Variants in CFAP70 observed in about 807,000 individuals in gnomAD.
CFAP70 encodes cilia- and flagella-associated protein 70.
In CFAP70, 81 loss-of-function variants were observed where a neutral mutation model predicts 137.6. The observed-to-expected ratio is 0.59, with a 90% CI of 0.49 to 0.71. The LOEUF (loss-of-function observed/expected upper bound fraction) is 0.71. CFAP70 is among the 30% of genes least tolerant of loss of function. The pLI is 0.00. For missense variants in CFAP70, 976 were observed against 1,226.7 expected (o/e 0.80, Z 3.05); for synonymous variants, 382 against 423.6 (o/e 0.90, Z 1.20).
chr10:73,349,635 T>C (rs969904851), intron 3 of CFAP70, among the ~76,000 whole-genome samples: 1 of 152,088 alleles, frequency 6.6e-6, no homozygotes. Flanking sequence ...CATTTTGGAG[T>C]AATCCTGTAG....
At chr10:73,291,692 A>G (rs1184551555) in exon 18 of CFAP70, 1 of 1,613,998 alleles carries the variant, frequency 6.2e-7, no homozygotes, top group Admixed American at 1.7e-5. Context: ...TAGCATCCTC[A>G]AAGAAAATTT....
chr10:73,277,665 AT>A (rs1358989593), intron 20 of CFAP70, among the ~76,000 whole-genome samples: 1 of 151,746 alleles, frequency 6.6e-6, no homozygotes, highest in Non-Finnish European at 1.5e-5. Context: ...GTGAGCCGAG[AT>A]TGCGCCACTG....
At chr10:73,322,332 A>AAT (rs1376486658) in intron 9 of CFAP70, among the ~76,000 whole-genome samples, 2 of 152,064 alleles carry the variant, frequency 1.3e-5, no homozygotes, top group African/African-American at 4.8e-5. Flanking sequence ...GCTTTTTATC[A>AAT]ATATAGATAA....
At chr10:73,284,273 C>T (rs551834467) in intron 19 of CFAP70, among the ~76,000 whole-genome samples, 2 of 152,014 alleles carry the variant, frequency 1.3e-5, no homozygotes, top group Non-Finnish European at 2.9e-5. Flanking sequence ...CCTCTGATTC[C>T]GTTATCACAT....
intron 25 of CFAP70, among the ~76,000 whole-genome samples, chr10:73,265,998 A>G (rs994217610): frequency 1.3e-5 from 2 of 152,248 alleles, no homozygotes; most frequent in African/African-American, 4.8e-5. Flanking sequence ...ACTTAGGGAA[A>G]ACTTTCATCT....
intron 8 of CFAP70, among the ~76,000 whole-genome samples, chr10:73,327,965 C>T (rs2051646864): frequency 6.6e-6 from 1 of 152,162 alleles, no homozygotes. Flanking sequence ...CAATGACTTT[C>T]TTCACAGAAT....
chr10:73,291,118 G>A (rs923595992), intron 19 of CFAP70, 108 bp downstream of exon 20: 1 of 919,604 alleles, frequency 1.1e-6, no homozygotes, highest in Non-Finnish European at 1.7e-6. Flanking sequence ...GGGCTCAAGT[G>A]ATCCTCCCAT....
At chr10:73,321,633 A>C (rs951154471) in intron 9 of CFAP70, among the ~76,000 whole-genome samples, 1 of 152,136 alleles carries the variant, frequency 6.6e-6, no homozygotes, top group African/African-American at 2.4e-5. Flanking sequence ...AAGCAACATG[A>C]TGAAACTGAT....
intron 12 of CFAP70, among the ~76,000 whole-genome samples, chr10:73,307,188 A>G (rs752357236): frequency 3.3e-5 from 5 of 152,194 alleles, no homozygotes; most frequent in Admixed American, 1.3e-4. Context: ...CAAGTTAATT[A>G]CTAAGACAAC....
intron 25 of CFAP70, among the ~76,000 whole-genome samples, chr10:73,268,291 A>T (rs2045950427): frequency 6.6e-6 from 1 of 152,108 alleles, no homozygotes; most frequent in Non-Finnish European, 1.5e-5. Flanking sequence ...AAGGTATATG[A>T]GTCTTTTGGG....
chr10:73,311,772 G>A, intron 11 of CFAP70, 62 bp downstream of exon 12: 3 of 1,246,892 alleles, frequency 2.4e-6, no homozygotes, highest in Non-Finnish European at 3.5e-6. Context: ...CATTGAAAAT[G>A]CCTTGCTTAA....
chr10:73,297,459 A>C (rs1589392322), intron 14 of CFAP70, among the ~76,000 whole-genome samples: 1 of 152,232 alleles, frequency 6.6e-6, no homozygotes, highest in East Asian at 1.9e-4. Context: ...CATTAGGTTT[A>C]GGCATTATGT....
intron 8 of CFAP70, among the ~76,000 whole-genome samples, chr10:73,327,955 C>A (rs942574148): frequency 2.0e-5 from 3 of 152,110 alleles, no homozygotes; most frequent in African/African-American, 7.2e-5. Context: ...ATCAAGCTAC[C>A]AATGACTTTC....
chr10:73,299,752 G>A, intron 12 of CFAP70, 87 bp from the exon 14 acceptor site: 1 of 1,050,936 alleles, frequency 9.5e-7, no homozygotes. Context: ...TCCTCAAAGT[G>A]TCTGGGTGGG....
At chr10:73,271,475 G>A (rs570692560) in intron 24 of CFAP70, among the ~76,000 whole-genome samples, 1 of 152,308 alleles carries the variant, frequency 6.6e-6, no homozygotes, top group East Asian at 1.9e-4. Flanking sequence ...TGGCGCCACT[G>A]CACTCCAGCT....
rs765987321 is a variant in CFAP70 at position 73,277,407 on chromosome 10, A to C, written c.2399-46T>G. On this transcript the variant is annotated intron_variant, in intron 20 of 26. Coordinates refer to ENST00000310715, the Ensembl canonical transcript of CFAP70. The stretch of plus-strand genomic sequence containing the variant: ...GGATTGAAGATTGGATATAACAGAA[A>C]AAGTGTCAGAAATTCAGACACATTC... 2.5e-6 allele frequency: 4 copies of C among 1,596,746 alleles called. No homozygotes were observed. The East Asian group carries it at 9.0e-5, about 36-fold the overall frequency.
Position 73,351,069 on chromosome 10 carries a change from G to A in CFAP70, c.250+2487C>T, listed in dbSNP as rs202196710. Among the ~76,000 whole-genome samples, 295 of 50,454 alleles carry A rather than the reference G, an allele frequency of 5.8e-3. 2 individuals carry two copies. Among genetic ancestry groups the A allele is most frequent in the Middle Eastern group, 0.014 (1 of 70 alleles). 33.1% of individuals were successfully genotyped at this position (50,454 alleles called of 152,430 possible). On this transcript the variant is annotated intron_variant, in intron 3 of 26. Coordinates refer to ENST00000310715, the Ensembl canonical transcript of CFAP70. ...TATGTGTGTGTGTGTGTGTGTGTGTGTGTATATATATATATATATATATAT... is the reference window on the plus strand; with the variant it reads ...TATGTGTGTGTGTGTGTGTGTGTGTATGTATATATATATATATATATATAT...
At chr10:73,335,565 T>C (rs748865525) in intron 6 of CFAP70, 41 bp from the exon 8 acceptor site, 1 of 1,467,670 alleles carries the variant, frequency 6.8e-7, no homozygotes, top group Non-Finnish European at 9.5e-7. Context: ...ATGTGTGCCA[T>C]GACTTCATTC....
chr10:73,353,273 C>T (rs1377783052), intron 3 of CFAP70, among the ~76,000 whole-genome samples: 5 of 152,090 alleles, frequency 3.3e-5, no homozygotes, highest in Non-Finnish European at 5.9e-5. Context: ...CAACAACAGC[C>T]AAAGGTTTTC....
Sources: allele counts gnomAD v4.1 joint callset (sites outside exome capture counted in the v4.1 genomes callset), GRCh38; gene constraint gnomAD v4.1.1; transcripts MANE v1.5; gene names NCBI Gene and HGNC (gene_info 2026-07-23, HGNC 2026-07-21).